The following LRRC40 variants were observed in gnomAD, a reference collection of about 807,000 sequenced individuals.
LRRC40 encodes leucine-rich repeat-containing protein 40.
A neutral mutation model predicts 72.8 loss-of-function variants in LRRC40; 76 were observed. The observed-to-expected ratio is 1.04, with a 90% CI of 0.87 to 1.26. The LOEUF (loss-of-function observed/expected upper bound fraction) is 1.26, where lower values mean the gene tolerates loss of function less well. LRRC40 is among the 50% of genes most tolerant of loss of function. The pLI is 0.00. For synonymous variants in LRRC40, 243 were observed against 254.2 expected (o/e 0.96, Z 0.42); for missense variants, 684 against 698.9 (o/e 0.98, Z 0.24).
intron 5 of LRRC40, among the ~76,000 whole-genome samples, chr1:70,179,829 T>C (rs1668202889): frequency 1.3e-5 from 2 of 152,188 alleles, no homozygotes; most frequent in African/African-American, 4.8e-5. Flanking sequence ...TCTTAACTAT[T>C]GGTATCCCAG....
intron 1 of LRRC40, among the ~76,000 whole-genome samples, chr1:70,193,185 G>A (rs1192593847): frequency 2.0e-5 from 3 of 151,654 alleles, no homozygotes; most frequent in African/African-American, 7.2e-5. Context: ...GAAACAAACA[G>A]AGAAAAAGCA....
chr1:70,159,295 C>G (rs1667706664), intron 10 of LRRC40, 35 bp downstream of exon 10: 2 of 998,560 alleles, frequency 2.0e-6, no homozygotes, highest in Non-Finnish European at 2.9e-6. Context: ...AAGACCCTAT[C>G]TCTATAAAAA....
At chr1:70,152,872 A>C (rs1448788085) in intron 11 of LRRC40, among the ~76,000 whole-genome samples, 1 of 152,212 alleles carries the variant, frequency 6.6e-6, no homozygotes, top group Admixed American at 6.5e-5. Flanking sequence ...TTTATACTTT[A>C]TTCTATTAAT....
intron 9 of LRRC40, among the ~76,000 whole-genome samples, chr1:70,170,737 C>T (rs1345309857): frequency 6.6e-6 from 1 of 152,084 alleles, no homozygotes; most frequent in African/African-American, 2.4e-5. Flanking sequence ...AATGGAAAAA[C>T]ATTCCATGCT....
At chr1:70,201,809 C>G (rs1204850546) in intron 1 of LRRC40, among the ~76,000 whole-genome samples, 1 of 151,892 alleles carries the variant, frequency 6.6e-6, no homozygotes, top group Non-Finnish European at 1.5e-5. Flanking sequence ...CCCGTCTCTA[C>G]TAAAAATACA....
At chr1:70,158,786 T>C (rs1475135331) in intron 10 of LRRC40, among the ~76,000 whole-genome samples, 1 of 152,124 alleles carries the variant, frequency 6.6e-6, no homozygotes, top group Non-Finnish European at 1.5e-5. Flanking sequence ...AGTTTCTTAT[T>C]TACTAACATA....
intron 9 of LRRC40, among the ~76,000 whole-genome samples, chr1:70,163,017 T>C (rs1414734060): frequency 1.3e-5 from 2 of 152,246 alleles, no homozygotes; most frequent in Admixed American, 1.3e-4. Context: ...GCAATGGGTC[T>C]CATTGGGCTA....
chr1:70,199,810 T>C (rs1245149989), intron 1 of LRRC40, among the ~76,000 whole-genome samples: 1 of 152,192 alleles, frequency 6.6e-6, no homozygotes, highest in African/African-American at 2.4e-5. Context: ...ACATGGATTT[T>C]TGACTGCACA....
At chr1:70,194,726 T>C (rs755645495) in intron 1 of LRRC40, among the ~76,000 whole-genome samples, 6 of 151,918 alleles carry the variant, frequency 3.9e-5, no homozygotes, top group Non-Finnish European at 7.4e-5. Context: ...AATTCTAAAA[T>C]GTGTATTGAA....
intron 2 of LRRC40, among the ~76,000 whole-genome samples, chr1:70,188,263 T>C (rs971949380): frequency 2.0e-5 from 3 of 152,244 alleles, no homozygotes; most frequent in East Asian, 1.9e-4. Context: ...AGCCCGCAGA[T>C]TATGAAATAT....
intron 5 of LRRC40, 28 bp from the exon 6 acceptor site, chr1:70,179,021 A>C: frequency 7.1e-7 from 1 of 1,398,722 alleles, no homozygotes; most frequent in Non-Finnish European, 9.6e-7. Flanking sequence ...TAAAAAACAA[A>C]AATAGAGAAA....
intron 5 of LRRC40, chr1:70,180,568 G>A (rs1180538328): frequency 6.6e-6 from 1 of 152,144 alleles, no homozygotes; most frequent in African/African-American, 2.4e-5. Context: ...ATCCCTTAAT[G>A]TTAGTTCTAC....
intron 1 of LRRC40, among the ~76,000 whole-genome samples, chr1:70,193,237 C>T (rs903879636): frequency 1.3e-5 from 2 of 150,510 alleles, no homozygotes; most frequent in Admixed American, 6.6e-5. Context: ...ATTGATAAAC[C>T]CTTAGCTAGA....
At chr1:70,186,525 A>G (rs1385701263) in intron 3 of LRRC40, among the ~76,000 whole-genome samples, 1 of 152,222 alleles carries the variant, frequency 6.6e-6, no homozygotes, top group Non-Finnish European at 1.5e-5. Flanking sequence ...ATCTCCAGAA[A>G]ACAAACTTGA....
intron 1 of LRRC40, among the ~76,000 whole-genome samples, chr1:70,193,703 C>A (rs1668549870): frequency 1.3e-5 from 2 of 151,876 alleles, no homozygotes; most frequent in South Asian, 4.1e-4. Context: ...TGATTATAGA[C>A]CCAAATTCCT....
chr1:70,161,178 G>A (rs994311005), intron 9 of LRRC40, among the ~76,000 whole-genome samples: 4 of 150,892 alleles, frequency 2.7e-5, no homozygotes, highest in East Asian at 2.0e-4. Flanking sequence ...TCCACCTCCC[G>A]AGTTCACGCC....
At chr1:70,177,366 A>G (rs1299843583) in intron 6 of LRRC40, among the ~76,000 whole-genome samples, 1 of 152,222 alleles carries the variant, frequency 6.6e-6, no homozygotes, top group African/African-American at 2.4e-5. Flanking sequence ...TACTACTATA[A>G]TAATTTTGTT....
intron 1 of LRRC40, among the ~76,000 whole-genome samples, chr1:70,197,123 T>C (rs72929212): frequency 8.3e-4 from 126 of 152,114 alleles, no homozygotes; most frequent in African/African-American, 2.8e-3. Context: ...GCACTTGCAA[T>C]GTGGTTAAAG....
At chr1:70,172,410 A>G (rs1391527834) in intron 9 of LRRC40, among the ~76,000 whole-genome samples, 2 of 152,124 alleles carry the variant, frequency 1.3e-5, no homozygotes, top group Admixed American at 1.3e-4. Flanking sequence ...AAACATTTCC[A>G]TTACCAATTT....
Sources: allele counts gnomAD v4.1 joint callset (sites outside exome capture counted in the v4.1 genomes callset), GRCh38; gene constraint gnomAD v4.1.1; transcripts MANE v1.5; gene names NCBI Gene and HGNC (gene_info 2026-07-23, HGNC 2026-07-21).